The following PLEKHA6 variants were observed in gnomAD, a reference collection of about 807,000 sequenced individuals.
The protein encoded by PLEKHA6 is pleckstrin homology domain-containing family A member 6.
Under a neutral mutation model 116.7 loss-of-function variants are expected in PLEKHA6, and 60 were observed. The ratio of observed to expected loss-of-function variants is 0.51; its 90% CI spans 0.42 to 0.64. PLEKHA6 has a LOEUF of 0.64. Ranked by LOEUF, PLEKHA6 falls within the 30% of genes least tolerant of loss-of-function variation. PLEKHA6 has a pLI of 0.00. For synonymous variants in PLEKHA6, 489 were observed against 556.1 expected (o/e 0.88, Z 1.70); for missense variants, 1,338 against 1,422.7 (o/e 0.94, Z 0.96).
At chr1:204,275,757 A>T (rs1012217413) in intron 1 of PLEKHA6, 3 of 978,600 alleles carry the variant, frequency 3.1e-6, no homozygotes, top group Admixed American at 6.2e-5. Flanking sequence ...GTAAGCGGTG[A>T]CTACTTGGCA....
At position 204,259,176 on chromosome 1, in the gene PLEKHA6, A is replaced by G. The variant is rs1162065732; in HGVS notation, c.1007+82T>C. 1 of 1,459,982 alleles carries G rather than the reference A, an allele frequency of 6.8e-7. No homozygotes were observed. Among genetic ancestry groups the G allele is most frequent in the Non-Finnish European group, 9.2e-7 (1 of 1,081,258 alleles). 90.4% of individuals were successfully genotyped at this position (1,459,982 alleles called of 1,614,324 possible). The stretch of plus-strand genomic sequence containing the variant: ...GCTTCCAGAAGGTTTCCAACAGGGG[A>G]TGCCTCGTGGGCTATGACCCCACTC... On this transcript the variant is annotated intron_variant, in intron 8 of 22. Transcript: ENST00000272203. The surrounding 1 kb of genome is among the most constrained non-coding windows in gnomAD (Gnocchi z 4.6).
upstream of PLEKHA6, among the ~76,000 whole-genome samples, chr1:204,362,884 C>A (rs1673586415): frequency 6.6e-6 from 1 of 152,222 alleles, no homozygotes; most frequent in Non-Finnish European, 1.5e-5. Flanking sequence ...CCAGCTCCAT[C>A]CCTGAGTAAC....
In PLEKHA6 at chr1:204,223,667, CAGGCAGGGAGTG is replaced by C. The variant is rs1659948156; in HGVS notation, c.3032-94_3032-83del. ...CACCCAGAGCAAGCGAGGCCCTCCC[CAGGCAGGGAGTG>C]AGGCAGGGAGGCAAGCGAAGAGAGA... On this transcript the variant is annotated intron_variant, in intron 21 of 22. Coordinates refer to ENST00000272203, the MANE Select transcript of PLEKHA6 (RefSeq NM_014935.5). The surrounding 1 kb of genome is among the most constrained non-coding windows in gnomAD (Gnocchi z 4.8). The C allele has an allele frequency of 3.0e-6, 2 of 657,928 alleles. No individual in the cohort carries two copies. Among genetic ancestry groups the C allele is most frequent in the Non-Finnish European group, 5.5e-6 (2 of 362,746 alleles). 40.8% of individuals were successfully genotyped at this position (657,928 alleles called of 1,614,324 possible). A position where few individuals can be genotyped will look rare whatever the true frequency, so the allele number is the denominator to read the frequency against.
chr1:204,316,456 G>GT (rs1361005877), intron 1 of PLEKHA6, among the ~76,000 whole-genome samples: 1 of 152,168 alleles, frequency 6.6e-6, no homozygotes, highest in Non-Finnish European at 1.5e-5. Flanking sequence ...GAGTCCAGGG[G>GT]TACCCAACCC....
At chr1:204,326,185 C>A (rs1030702348) in intron 1 of PLEKHA6, among the ~76,000 whole-genome samples, 3 of 152,216 alleles carry the variant, frequency 2.0e-5, no homozygotes, top group African/African-American at 7.2e-5. Flanking sequence ...CTTCTGCCAG[C>A]TGAAACAGAG....
chr1:204,237,403 G>A lies in PLEKHA6; in HGVS notation c.2409+3972C>T, dbSNP rs184728092. On this transcript the variant is annotated intron_variant, in intron 17 of 22. Transcript: ENST00000272203. The stretch of plus-strand genomic sequence containing the variant: ...AATATCACATCCCTGGAGGGATTGC[G>A]GAGATTAGTGCCACAATCAAGGACT... Among the ~76,000 whole-genome samples, 821 of 152,268 alleles carry A rather than the reference G, an allele frequency of 5.4e-3. 2 individuals carry two copies. Among genetic ancestry groups the A allele is most frequent in the African/African-American group, 0.019 (784 of 41,550 alleles).
chr1:204,299,024 A>G (rs1670559162), intron 1 of PLEKHA6, among the ~76,000 whole-genome samples: 1 of 152,226 alleles, frequency 6.6e-6, no homozygotes, highest in Non-Finnish European at 1.5e-5. Context: ...TCTTGCTTCT[A>G]GTCCATTCTT....
chr1:204,287,782 G>C (rs931033775), intron 1 of PLEKHA6, among the ~76,000 whole-genome samples: 1 of 152,194 alleles, frequency 6.6e-6, no homozygotes, highest in Non-Finnish European at 1.5e-5. Context: ...TGGAGACAAT[G>C]GCTCAGAGAG....
At chr1:204,273,782 A>C in intron 2 of PLEKHA6, 42 bp from the exon 3 acceptor site, 1 of 1,395,320 alleles carries the variant, frequency 7.2e-7, no homozygotes, top group African/African-American at 1.4e-5. Flanking sequence ...GGTGAGATCC[A>C]AGAAACAATG....
chr1:204,280,405 T>C, intron 1 of PLEKHA6: 1 of 985,350 alleles, frequency 1.0e-6, no homozygotes, highest in Non-Finnish European at 1.2e-6. Context: ...TGATCAATAT[T>C]GAACGACTGG....
At position 204,340,099 on chromosome 1, in the gene PLEKHA6, G is replaced by A. The variant is rs377119713; in HGVS notation, c.-95+19595C>T. Reference sequence around the variant, plus strand: ...AAATCAAAAAAATGGGGTCATGACCGCATGAGAATTGGAAGGAGACAATAT... The same window carrying A: ...AAATCAAAAAAATGGGGTCATGACCACATGAGAATTGGAAGGAGACAATAT... On this transcript the variant is annotated intron_variant, in intron 1 of 22. Transcript: ENST00000272203. Among the ~76,000 whole-genome samples, 20 of 152,222 alleles carry A rather than the reference G, an allele frequency of 1.3e-4. 2 individuals carry two copies. Among genetic ancestry groups the A allele is most frequent in the East Asian group, 5.8e-4 (3 of 5,178 alleles).
Position 204,261,876 on chromosome 1 carries a change from CTG to C in PLEKHA6, c.382-430_382-429del. The stretch of plus-strand genomic sequence containing the variant: ...CAGCTTCACTGCTGAGAAGCTAGCA[CTG>C]TCTCTTCCACGTGGAGAGACAGCCA... On this transcript the variant is annotated intron_variant, in intron 6 of 22. Coordinates refer to ENST00000272203, the MANE Select transcript of PLEKHA6 (RefSeq NM_014935.5). This position sits in a 1 kb window ranked among gnomAD's most constrained non-coding sequence, Gnocchi z 4.0. 3.9e-6 allele frequency: 1 copy of C among 254,068 alleles called. No homozygotes were observed. Among genetic ancestry groups the C allele is most frequent in the Non-Finnish European group, 7.5e-6 (1 of 133,802 alleles). The allele number at this position is 254,068 out of a possible 1,614,324, so 15.7% of individuals were successfully genotyped here.
chr1:204,276,637 GACACACACACACACACAC>G (rs10567692), intron 1 of PLEKHA6, among the ~76,000 whole-genome samples: 5 of 136,828 alleles, frequency 3.7e-5, no homozygotes, highest in East Asian at 2.2e-4. Flanking sequence ...CACTGGCACA[GACACACACACACACACAC>G]ACACACACAC....
chr1:204,220,397 G>A lies in PLEKHA6; in HGVS notation c.*2391C>T, dbSNP rs1461443731. 1 of 152,596 alleles carries A rather than the reference G, an allele frequency of 6.6e-6. No individual in the cohort carries two copies. Among genetic ancestry groups the A allele is most frequent in the Non-Finnish European group, 1.5e-5 (1 of 68,086 alleles). The allele number at this position is 152,596 out of a possible 1,614,324, so 9.5% of individuals were successfully genotyped here. On this transcript the variant is annotated 3_prime_UTR_variant, in exon 23 of 23. Transcript: ENST00000272203. The stretch of plus-strand genomic sequence containing the variant: ...AAGATGCTTTCTGGGTGAGCTCTGG[G>A]GACCAGCCCTTTCGTGACTGGGGAA...
chr1:204,329,853 G>A (rs1023542842), intron 1 of PLEKHA6, among the ~76,000 whole-genome samples: 4 of 149,882 alleles, frequency 2.7e-5, no homozygotes, highest in African/African-American at 9.8e-5. Context: ...CCAGGAGTTT[G>A]AGACCAGCCT....
chr1:204,258,045 A>ACAACTCCC lies in PLEKHA6; in HGVS notation c.1008-184_1008-177dup, dbSNP rs544546424. On this transcript the variant is annotated intron_variant, in intron 8 of 22. Coordinates refer to ENST00000272203, the MANE Select transcript of PLEKHA6 (RefSeq NM_014935.5). ...CTGTCCTCACAGCCCCCCTCCTCAA[A>ACAACTCCC]CAACTCCCCAAGGCTGGACACTGCA... Among the ~76,000 whole-genome samples the ACAACTCCC allele has an allele frequency of 2.6e-5, 4 of 152,224 alleles. No individual in the cohort carries two copies. The East Asian group carries it at 7.7e-4, about 29-fold the overall frequency.
chr1:204,317,619 A>AC (rs1446730696), intron 1 of PLEKHA6, among the ~76,000 whole-genome samples: 1 of 152,142 alleles, frequency 6.6e-6, no homozygotes, highest in Non-Finnish European at 1.5e-5. Flanking sequence ...TCCTCTAACT[A>AC]CCCTGTCTTA....
chr1:204,312,590 G>A (rs1306019644), intron 1 of PLEKHA6, among the ~76,000 whole-genome samples: 2 of 152,166 alleles, frequency 1.3e-5, no homozygotes, highest in Non-Finnish European at 2.9e-5. Context: ...CCTGGGTCCT[G>A]GCACCTTTTC....
At chr1:204,267,168 T>G (rs981679904) in intron 5 of PLEKHA6, among the ~76,000 whole-genome samples, 2 of 152,158 alleles carry the variant, frequency 1.3e-5, no homozygotes, top group East Asian at 1.9e-4. Flanking sequence ...TTTGTGCTCA[T>G]CCTCTCTCCC....
Sources: allele counts gnomAD v4.1 joint callset (sites outside exome capture counted in the v4.1 genomes callset), GRCh38; gene constraint gnomAD v4.1.1; non-coding constraint Gnocchi (gnomAD v3.1); transcripts MANE v1.5; gene names NCBI Gene and HGNC (gene_info 2026-07-23, HGNC 2026-07-21).